The following ZDHHC14 variants were observed in gnomAD, a reference collection of about 807,000 sequenced individuals.
ZDHHC14 encodes the protein palmitoyltransferase ZDHHC14.
ZDHHC14 carries 16 observed loss-of-function variants against 47.7 expected under a neutral mutation model. That is an observed-to-expected ratio of 0.34 (90% CI 0.23 to 0.51). The LOEUF is 0.51. ZDHHC14 is among the 20% of genes least tolerant of loss of function. The pLI, the probability that ZDHHC14 is intolerant of heterozygous loss-of-function variation, is 0.97. For synonymous variants in ZDHHC14, 293 were observed against 278.9 expected (o/e 1.05, Z -0.50); for missense variants, 515 against 662.5 (o/e 0.78, Z 2.44).
At position 157,593,270 on chromosome 6, in the gene ZDHHC14, A is replaced by G. The variant is rs891489658; in HGVS notation, c.565+124A>G. The G allele has an allele frequency of 4.1e-6, 5 of 1,229,402 alleles. No individual in the cohort carries two copies. The East Asian group carries it at 9.7e-5, about 24-fold the overall frequency. The allele number at this position is 1,229,402 out of a possible 1,614,324, so 76.2% of individuals were successfully genotyped here. A position where few individuals can be genotyped will look rare whatever the true frequency, so the allele number is the denominator to read the frequency against. ...TATTTCAGCGCATTTGCATGTTGCC[A>G]CTGATTGAGTTCACCGGGCCTAGAG... On this transcript the variant is annotated intron_variant, in intron 3 of 8. Transcript: ENST00000359775.
chr6:157,400,075 C>T (rs1385004158), intron 1 of ZDHHC14, among the ~76,000 whole-genome samples: 1 of 152,206 alleles, frequency 6.6e-6, no homozygotes, highest in Non-Finnish European at 1.5e-5. Flanking sequence ...TTCCCATTTG[C>T]AAAATTCTGA....
At chr6:157,654,731 T>C (rs1054501780) in intron 8 of ZDHHC14, among the ~76,000 whole-genome samples, 1 of 143,562 alleles carries the variant, frequency 7.0e-6, no homozygotes, top group African/African-American at 2.8e-5. Flanking sequence ...AATAAAGCGT[T>C]TTCTCTCTCT....
At chr6:157,491,356 T>C (rs1779911087) in intron 1 of ZDHHC14, among the ~76,000 whole-genome samples, 2 of 152,232 alleles carry the variant, frequency 1.3e-5, no homozygotes, top group Admixed American at 1.3e-4. Flanking sequence ...TGTGTTCGTT[T>C]AGAGCCAAAG....
chr6:157,503,888 G>A (rs1780248765), intron 1 of ZDHHC14, among the ~76,000 whole-genome samples: 1 of 152,108 alleles, frequency 6.6e-6, no homozygotes, highest in African/African-American at 2.4e-5. Context: ...GTGTAATTTG[G>A]TGCCACCACT....
intron 2 of ZDHHC14, chr6:157,592,748 G>A: frequency 7.8e-7 from 1 of 1,277,644 alleles, no homozygotes; most frequent in Non-Finnish European, 9.9e-7. Context: ...GTGGGGCCAT[G>A]TGTGCTGTGC....
chr6:157,604,252 G>A (rs1013384555), intron 3 of ZDHHC14, among the ~76,000 whole-genome samples: 6 of 149,292 alleles, frequency 4.0e-5, no homozygotes, highest in East Asian at 3.9e-4. Context: ...ACGCCTCTGC[G>A]CTCCAGCCTG....
At chr6:157,561,987 T>C (rs1435571290) in intron 2 of ZDHHC14, among the ~76,000 whole-genome samples, 1 of 152,182 alleles carries the variant, frequency 6.6e-6, no homozygotes, top group Non-Finnish European at 1.5e-5. Context: ...CCTTAGTATC[T>C]GAGGTTTTTG....
In ZDHHC14 at chr6:157,586,978, T is replaced by C. The variant is rs1783721979; in HGVS notation, c.407-6010T>C. Among the ~76,000 whole-genome samples, 2 of 152,228 alleles carry C rather than the reference T, an allele frequency of 1.3e-5. No homozygotes were observed. The highest frequency in any genetic ancestry group is 1.5e-5 in the Non-Finnish European group (1 of 68,026). On this transcript the variant is annotated intron_variant, in intron 2 of 8. Coordinates refer to ENST00000359775, the MANE Select transcript of ZDHHC14 (RefSeq NM_024630.3). This position sits in a 1 kb window ranked among gnomAD's most constrained non-coding sequence, Gnocchi z 4.6. ...TCAATAGAGTTTATCTTCAGGAGTGTCAGCAAATACTCACTTTATCAAGTC... is the reference window on the plus strand; with the variant it reads ...TCAATAGAGTTTATCTTCAGGAGTGCCAGCAAATACTCACTTTATCAAGTC...
intron 1 of ZDHHC14, among the ~76,000 whole-genome samples, chr6:157,439,231 C>T (rs1479880862): frequency 6.6e-6 from 1 of 152,030 alleles, no homozygotes; most frequent in Non-Finnish European, 1.5e-5. Flanking sequence ...TTGCAGAGTG[C>T]TAGAATGGGA....
At chr6:157,636,704 C>T (rs1777001637) in intron 5 of ZDHHC14, among the ~76,000 whole-genome samples, 4 of 152,204 alleles carry the variant, frequency 2.6e-5, no homozygotes, top group Non-Finnish European at 4.4e-5. Context: ...TGGGAAGAGC[C>T]AGCAAAGCTG....
intron 1 of ZDHHC14, among the ~76,000 whole-genome samples, chr6:157,460,347 T>A (rs983019418): frequency 3.0e-5 from 4 of 131,528 alleles, no homozygotes; most frequent in Middle Eastern, 6.0e-3. Context: ...TGCAGTGAGC[T>A]ATGATCACAC....
chr6:157,434,627 C>G (rs1583641635), intron 1 of ZDHHC14, among the ~76,000 whole-genome samples: 1 of 151,986 alleles, frequency 6.6e-6, no homozygotes, highest in East Asian at 1.9e-4. Context: ...TTTTAATATC[C>G]TGTGAGTACT....
At chr6:157,663,231 G>A (rs749558380) in intron 8 of ZDHHC14, among the ~76,000 whole-genome samples, 6 of 152,206 alleles carry the variant, frequency 3.9e-5, no homozygotes, top group Non-Finnish European at 7.3e-5. Flanking sequence ...TGAGAACATC[G>A]GCAGGAGAGG....
At chr6:157,625,103 C>T (rs1785349220) in intron 3 of ZDHHC14, among the ~76,000 whole-genome samples, 1 of 152,170 alleles carries the variant, frequency 6.6e-6, no homozygotes, top group African/African-American at 2.4e-5. Flanking sequence ...GACCTCATCC[C>T]CTCTTCAATG....
chr6:157,595,368 A>G (rs954374104), intron 3 of ZDHHC14, among the ~76,000 whole-genome samples: 2 of 150,280 alleles, frequency 1.3e-5, no homozygotes, highest in Non-Finnish European at 3.0e-5. Context: ...ATTTTTTTGT[A>G]TTTTTCTTAG....
chr6:157,464,242 A>C (rs1026604382), intron 1 of ZDHHC14, among the ~76,000 whole-genome samples: 3 of 152,228 alleles, frequency 2.0e-5, no homozygotes, highest in African/African-American at 4.8e-5. Flanking sequence ...TGAGAAGACT[A>C]CAACCTGAAA....
At chr6:157,610,356 C>T (rs990671327) in intron 3 of ZDHHC14, among the ~76,000 whole-genome samples, 2 of 152,116 alleles carry the variant, frequency 1.3e-5, no homozygotes, top group Non-Finnish European at 2.9e-5. Context: ...AGCGTGAACC[C>T]GGGAGGCGGA....
At chr6:157,397,001 C>T (rs548742664) in intron 1 of ZDHHC14, among the ~76,000 whole-genome samples, 27 of 152,116 alleles carry the variant, frequency 1.8e-4, no homozygotes, top group South Asian at 6.2e-4. Context: ...CTCTTGGCTT[C>T]GGATGGTGAG....
chr6:157,632,294 G>T (rs1785781263), intron 4 of ZDHHC14: 1 of 153,126 alleles, frequency 6.5e-6, no homozygotes. Context: ...CTTTCTGTCA[G>T]ATGCTTCTTT....
Sources: gnomAD v4.1 joint callset for allele counts (sites outside exome capture counted in the v4.1 genomes callset) on GRCh38, gnomAD v4.1.1 for gene constraint, Gnocchi (gnomAD v3.1) non-coding constraint, MANE v1.5 for transcripts, NCBI Gene and HGNC (gene_info 2026-07-23, HGNC 2026-07-21) for gene names.